The following VPS13B variants were observed in gnomAD, a reference collection of about 807,000 sequenced individuals.
VPS13B encodes intermembrane lipid transfer protein VPS13B.
VPS13B carries 285 observed loss-of-function variants against 426.4 expected under a neutral mutation model. The observed-to-expected ratio is 0.67, with a 90% CI of 0.61 to 0.74. VPS13B has a LOEUF of 0.74. Ranked by LOEUF, VPS13B falls within the 30% of genes least tolerant of loss-of-function variation. VPS13B has a pLI of 0.00. For missense variants in VPS13B, 4,537 were observed against 4,782.6 expected (o/e 0.95, Z 1.51); for synonymous variants, 1,676 against 1,676.4 (o/e 1.00, Z 0.01).
At chr8:99,359,156 C>CA (rs1194272535) in intron 19 of VPS13B, among the ~76,000 whole-genome samples, 9 of 151,854 alleles carry the variant, frequency 5.9e-5, no homozygotes. Context: ...TCATAAAATG[C>CA]AAAAAATGTA....
chr8:99,096,416 T>C lies in VPS13B; in HGVS notation c.396T>C (p.Asp132=). The change falls in exon 4 of 62, where the codon GAT becomes GAC. Residue 132 remains aspartate (D), a synonymous_variant. Transcript: ENST00000357162. ...GAATGCAGCAGGCTGCTCCTACAGA[T>C]CCTGACTTACCACCAGGTAACTTCT... ...PRRMQQAAPT[D]PDLPPGYVQS... is the part of the protein sequence containing the mutation. 6.2e-7 allele frequency: 1 copy of C among 1,614,040 alleles called. No homozygotes were observed.
intron 19 of VPS13B, among the ~76,000 whole-genome samples, chr8:99,295,629 T>C (rs746310305): frequency 4.6e-5 from 7 of 152,164 alleles, no homozygotes; most frequent in Non-Finnish European, 7.3e-5. Context: ...CAGTGCACTG[T>C]AGAGTACAGA....
intron 39 of VPS13B, among the ~76,000 whole-genome samples, chr8:99,750,028 A>G (rs1810313547): frequency 6.6e-6 from 1 of 152,160 alleles, no homozygotes; most frequent in Admixed American, 6.5e-5. Flanking sequence ...TTAACATCTT[A>G]TCTATTTTTT....
At chr8:99,022,993 CT>C (rs926868254) in intron 2 of VPS13B, among the ~76,000 whole-genome samples, 27 of 144,396 alleles carry the variant, frequency 1.9e-4, no homozygotes, top group East Asian at 2.0e-4. Context: ...CTTTTCTTTT[CT>C]TTTTTTTTTT....
intron 24 of VPS13B, among the ~76,000 whole-genome samples, chr8:99,468,927 T>G (rs1819253198): frequency 6.6e-6 from 1 of 152,140 alleles, no homozygotes; most frequent in Non-Finnish European, 1.5e-5. Context: ...GCGTCTTTTT[T>G]GAAACCATCC....
chr8:99,409,749 A>C lies in VPS13B; in HGVS notation c.3082+18045A>C, dbSNP rs1397600294. 2.6e-5 allele frequency among the ~76,000 whole-genome samples: 4 copies of C among 152,172 alleles called. No homozygotes were observed. The East Asian group carries it at 7.7e-4, about 29-fold the overall frequency. On this transcript the variant is annotated intron_variant, in intron 21 of 61. Coordinates refer to ENST00000357162, the MANE Select transcript of VPS13B (RefSeq NM_152564.5). Reference sequence around the variant, plus strand: ...TTATTTAAGTTAACATCCGGACTACATGCTGGCGTCATAATAGATTCAACT... The same window carrying C: ...TTATTTAAGTTAACATCCGGACTACCTGCTGGCGTCATAATAGATTCAACT...
intron 39 of VPS13B, among the ~76,000 whole-genome samples, chr8:99,724,095 C>T (rs969195878): frequency 6.6e-6 from 1 of 152,124 alleles, no homozygotes; most frequent in Admixed American, 6.6e-5. Context: ...TAGAACGATA[C>T]AAAATATTTT....
intron 35 of VPS13B, chr8:99,696,669 A>T (rs1394512869): frequency 1.4e-6 from 1 of 740,082 alleles, no homozygotes; most frequent in South Asian, 1.4e-5. Flanking sequence ...CATCGAGGAG[A>T]GGACCTTGAA....
chr8:99,780,643 G>C (rs1464676326), intron 42 of VPS13B, among the ~76,000 whole-genome samples: 1 of 152,068 alleles, frequency 6.6e-6, no homozygotes, highest in African/African-American at 2.4e-5. Context: ...AGTTGGTTCT[G>C]ATTTATACAG....
At chr8:99,743,243 T>A (rs1809858958) in intron 39 of VPS13B, among the ~76,000 whole-genome samples, 7 of 151,870 alleles carry the variant, frequency 4.6e-5, no homozygotes, top group Admixed American at 4.6e-4. Context: ...GAGAATAAAA[T>A]ACCTAGGAAT....
chr8:99,495,344 C>A (rs1563760804), intron 25 of VPS13B, among the ~76,000 whole-genome samples: 1 of 152,084 alleles, frequency 6.6e-6, no homozygotes, highest in Non-Finnish European at 1.5e-5. Flanking sequence ...TTTGTATTTT[C>A]AGTTTGTTTT....
chr8:99,244,699 TTCA>T (rs1232012922), intron 17 of VPS13B, among the ~76,000 whole-genome samples: 1 of 152,204 alleles, frequency 6.6e-6, no homozygotes, highest in Non-Finnish European at 1.5e-5. Context: ...ACTAAGAGTA[TTCA>T]TCATTTTGTC....
chr8:99,613,259 C>A (rs1827919199), intron 33 of VPS13B, among the ~76,000 whole-genome samples: 1 of 152,166 alleles, frequency 6.6e-6, no homozygotes, highest in Non-Finnish European at 1.5e-5. Context: ...AAATACTCTG[C>A]CTTATGTATC....
At chr8:99,650,074 A>G (rs1418119320) in intron 34 of VPS13B, among the ~76,000 whole-genome samples, 2 of 152,200 alleles carry the variant, frequency 1.3e-5, no homozygotes, top group African/African-American at 2.4e-5. Flanking sequence ...GGCTGGCACC[A>G]GAAATCCTGC....
chr8:99,875,983 C>CACTT lies in VPS13B; in HGVS notation c.*319_*322dup, dbSNP rs1417068612. The CACTT allele has an allele frequency of 1.3e-5, 5 of 377,920 alleles. No homozygotes were observed. The highest frequency in any genetic ancestry group is 7.8e-5 in the South Asian group (3 of 38,644). The allele number at this position is 377,920 out of a possible 1,614,324, so 23.4% of individuals were successfully genotyped here. Reference sequence around the variant, plus strand: ...AAGTGACAAAAACGTGTTCCTTCCCCACTTAGAGACAATGATTAACAGGGC... The same window carrying CACTT: ...AAGTGACAAAAACGTGTTCCTTCCCCACTTACTTAGAGACAATGATTAACAGGGC... On this transcript the variant is annotated 3_prime_UTR_variant, in exon 62 of 62. Transcript: ENST00000357162.
intron 25 of VPS13B, among the ~76,000 whole-genome samples, chr8:99,499,598 G>T (rs1821117614): frequency 6.6e-6 from 1 of 152,120 alleles, no homozygotes; most frequent in Non-Finnish European, 1.5e-5. Context: ...CTTTTTATTA[G>T]ATGTTGTGTT....
At chr8:99,292,422 C>T (rs1819785171) in intron 19 of VPS13B, among the ~76,000 whole-genome samples, 1 of 152,100 alleles carries the variant, frequency 6.6e-6, no homozygotes, top group South Asian at 2.1e-4. Flanking sequence ...AGCTTTTACC[C>T]TTCAGCAGCT....
intron 17 of VPS13B, among the ~76,000 whole-genome samples, chr8:99,217,690 G>A (rs184301937): frequency 6.6e-6 from 1 of 152,250 alleles, no homozygotes; most frequent in East Asian, 1.9e-4. Flanking sequence ...AAAGACACAT[G>A]AGTTGATTCC....
chr8:99,308,046 A>T (rs193057085), intron 19 of VPS13B, among the ~76,000 whole-genome samples: 18 of 152,140 alleles, frequency 1.2e-4, no homozygotes, highest in Admixed American at 1.0e-3. Context: ...TAATTTCTGT[A>T]TACTTGCACA....
Sources: gnomAD v4.1 joint callset for allele counts (sites outside exome capture counted in the v4.1 genomes callset) on GRCh38, gnomAD v4.1.1 for gene constraint, MANE v1.5 for transcripts, NCBI Gene and HGNC (gene_info 2026-07-23, HGNC 2026-07-21) for gene names.